SUCLA2: variants seen among roughly 807,000 people sequenced by gnomAD.
SUCLA2 encodes the protein succinate--CoA ligase [ADP-forming] subunit beta, mitochondrial.
In SUCLA2, 30 loss-of-function variants were observed where a neutral mutation model predicts 54.8. That is an observed-to-expected ratio of 0.55 (90% confidence interval 0.41 to 0.74). The LOEUF is 0.74. Among genes scored for constraint, SUCLA2 ranks in the 30% least tolerant of loss-of-function variants. The pLI is 0.00. For missense variants in SUCLA2, 476 were observed against 562.9 expected, an observed-to-expected ratio of 0.85 and a Z score of 1.56; for synonymous variants, 172 against 188.9, an observed-to-expected ratio of 0.91 and a Z score of 0.74.
At chr13:47,990,770 T>C (rs1950143793) in intron 2 of SUCLA2, among the ~76,000 whole-genome samples, 1 of 152,086 alleles carries the variant, frequency 6.6e-6, no homozygotes. Flanking sequence ...GAGAGGAAGC[T>C]CCCACCTAAT....
chr13:47,965,847 G>A (rs1184548424), intron 6 of SUCLA2, among the ~76,000 whole-genome samples: 1 of 152,204 alleles, frequency 6.6e-6, no homozygotes, highest in Non-Finnish European at 1.5e-5. Context: ...AGGAGATCAA[G>A]ACCATCCTGG....
intron 4 of SUCLA2, among the ~76,000 whole-genome samples, chr13:47,980,604 GCATA>G (rs1274742517): frequency 1.3e-5 from 2 of 150,408 alleles, no homozygotes; most frequent in African/African-American, 4.9e-5. Flanking sequence ...ACACTAAAAT[GCATA>G]CATAATCTCA....
chr13:47,943,239 T>C lies in SUCLA2; in HGVS notation c.*132A>G, dbSNP rs115959143. 9.4e-4 allele frequency: 851 copies of C among 903,152 alleles called. 2 individuals are homozygous for C. In the African/African-American group the frequency reaches 0.012, roughly 13 times the overall value. The allele number at this position is 903,152 out of a possible 1,614,324, so 55.9% of individuals were successfully genotyped here. ...CAATTAAATGCAGTCCAAATCCTTT[T>C]AAATGTTTGTGTGCCTAGATGGCAA... On this transcript the variant is annotated 3_prime_UTR_variant, in exon 11 of 11. Transcript: ENST00000646932.
intron 4 of SUCLA2, among the ~76,000 whole-genome samples, chr13:47,985,154 A>T (rs1274998686): frequency 6.6e-6 from 1 of 152,250 alleles, no homozygotes; most frequent in Non-Finnish European, 1.5e-5. Context: ...CCTATGATAC[A>T]TCTCCTAAAA....
At chr13:47,980,242 C>T (rs1950050022) in intron 4 of SUCLA2, among the ~76,000 whole-genome samples, 1 of 151,950 alleles carries the variant, frequency 6.6e-6, no homozygotes, top group African/African-American at 2.4e-5. Context: ...CGGTGAAACT[C>T]CATCTCCACT....
At chr13:47,988,122 A>C (rs949972123) in intron 4 of SUCLA2, 6 of 181,154 alleles carry the variant, frequency 3.3e-5, no homozygotes, top group South Asian at 1.7e-4. Flanking sequence ...TAAAAAAAAA[A>C]AAACAAACCC....
At chr13:47,967,614 G>A (rs1291530962) in intron 6 of SUCLA2, among the ~76,000 whole-genome samples, 1 of 152,136 alleles carries the variant, frequency 6.6e-6, no homozygotes, top group Non-Finnish European at 1.5e-5. Context: ...GCAGGGGCAG[G>A]CAGATTACCT....
intron 4 of SUCLA2, among the ~76,000 whole-genome samples, chr13:47,978,266 T>C (rs532824227): frequency 1.3e-5 from 2 of 152,306 alleles, no homozygotes; most frequent in East Asian, 1.9e-4. Context: ...CTTCAAGCTA[T>C]ACTACAAGGC....
intron 5 of SUCLA2, among the ~76,000 whole-genome samples, chr13:47,969,047 G>T (rs939012410): frequency 2.0e-5 from 3 of 152,180 alleles, no homozygotes; most frequent in African/African-American, 7.2e-5. Context: ...AACCTAAGCT[G>T]AAAGAAGAGG....
At chr13:47,943,470 TC>T in intron 10 of SUCLA2, 25 bp from the exon 11 acceptor site, 2 of 1,612,206 alleles carry the variant, frequency 1.2e-6, no homozygotes, top group Non-Finnish European at 1.7e-6. Flanking sequence ...CGAAGAATTT[TC>T]ACAAAAAGGT....
intron 6 of SUCLA2, among the ~76,000 whole-genome samples, chr13:47,959,722 AAT>A (rs1335530403): frequency 2.0e-5 from 3 of 152,230 alleles, no homozygotes; most frequent in Non-Finnish European, 4.4e-5. Flanking sequence ...GAGTTTAGAC[AAT>A]AGATTCTTTA....
At chr13:47,952,242 G>A (rs961184830) in intron 8 of SUCLA2, among the ~76,000 whole-genome samples, 1 of 151,880 alleles carries the variant, frequency 6.6e-6, no homozygotes, top group Non-Finnish European at 1.5e-5. Flanking sequence ...ACTCTCTCCC[G>A]ATCTGTTCTT....
intron 4 of SUCLA2, among the ~76,000 whole-genome samples, chr13:47,974,787 T>C (rs1038369244): frequency 1.3e-5 from 2 of 152,114 alleles, no homozygotes; most frequent in Non-Finnish European, 2.9e-5. Context: ...AGAAATAATG[T>C]TAACATGAAA....
intron 8 of SUCLA2, among the ~76,000 whole-genome samples, chr13:47,950,744 A>G (rs1169231150): frequency 2.0e-5 from 3 of 152,240 alleles, no homozygotes; most frequent in East Asian, 3.9e-4. Context: ...ACACCAAAAT[A>G]TCATTCCCCT....
At chr13:47,971,746 T>A (rs1949968099) in intron 5 of SUCLA2, 2 of 395,190 alleles carry the variant, frequency 5.1e-6, no homozygotes, top group Non-Finnish European at 8.9e-6. Flanking sequence ...CAGTGTCCCA[T>A]CCATTCTACA....
intron 2 of SUCLA2, among the ~76,000 whole-genome samples, chr13:47,989,272 G>A (rs986629893): frequency 1.3e-5 from 2 of 150,082 alleles, no homozygotes; most frequent in Non-Finnish European, 3.0e-5. Context: ...GTGCAGTGGC[G>A]CGATCTCGGC....
chr13:47,982,956 C>T (rs1348801197), intron 4 of SUCLA2, among the ~76,000 whole-genome samples: 2 of 152,058 alleles, frequency 1.3e-5, no homozygotes, highest in African/African-American at 4.8e-5. Context: ...AAGGAATTAA[C>T]CCTCAAATTT....
At chr13:47,997,416 G>A (rs553285177) in intron 1 of SUCLA2, among the ~76,000 whole-genome samples, 7 of 152,224 alleles carry the variant, frequency 4.6e-5, no homozygotes, top group Non-Finnish European at 1.0e-4. Context: ...CCTGGCACTA[G>A]ATATGTAATA....
chr13:47,964,556 TA>T (rs1201599267), intron 6 of SUCLA2, among the ~76,000 whole-genome samples: 1 of 152,196 alleles, frequency 6.6e-6, no homozygotes, highest in Non-Finnish European at 1.5e-5. Flanking sequence ...TATATACAGC[TA>T]AATAAGATGT....
Sources: allele counts gnomAD v4.1 joint callset (sites outside exome capture counted in the v4.1 genomes callset), GRCh38; gene constraint gnomAD v4.1.1; transcripts MANE v1.5; gene names NCBI Gene and HGNC (gene_info 2026-07-23, HGNC 2026-07-21).